PPFIBP2: variants seen among roughly 807,000 people sequenced by gnomAD.
The protein encoded by PPFIBP2 is PPFIB scaffold protein 2.
PPFIBP2 carries 118 observed loss-of-function variants against 118.3 expected under a neutral mutation model. The observed-to-expected ratio is 1.00, with a 90% CI of 0.86 to 1.16. The LOEUF (loss-of-function observed/expected upper bound fraction) is 1.16. Ranked by LOEUF, PPFIBP2 falls within the 50% of genes most tolerant of loss-of-function variation. The pLI, the probability that PPFIBP2 is intolerant of heterozygous loss-of-function variation, is 0.00. For missense variants in PPFIBP2, 1,195 were observed against 1,073.1 expected, an observed-to-expected ratio of 1.11 and a Z score of -1.59; for synonymous variants, 414 against 397.4, an observed-to-expected ratio of 1.04 and a Z score of -0.50.
intron 1 of PPFIBP2, among the ~76,000 whole-genome samples, chr11:7,516,773 C>T (rs1438108555): frequency 1.3e-5 from 2 of 152,136 alleles, no homozygotes; most frequent in East Asian, 1.9e-4. Context: ...GTCTTCTGGC[C>T]GGCTGTCTTC....
chr11:7,592,268 C>A (rs1433981993), intron 3 of PPFIBP2, among the ~76,000 whole-genome samples: 2 of 152,150 alleles, frequency 1.3e-5, no homozygotes, highest in Non-Finnish European at 2.9e-5. Context: ...CTCCTTCTCT[C>A]CTGTCTGCCC....
chr11:7,561,768 C>A (rs1477942405), intron 2 of PPFIBP2, among the ~76,000 whole-genome samples: 2 of 152,142 alleles, frequency 1.3e-5, no homozygotes, highest in African/African-American at 4.8e-5. Flanking sequence ...CAATAATAAA[C>A]ATTTATCATC....
intron 3 of PPFIBP2, among the ~76,000 whole-genome samples, chr11:7,579,693 C>T (rs1187322433): frequency 6.6e-6 from 1 of 152,170 alleles, no homozygotes; most frequent in African/African-American, 2.4e-5. Flanking sequence ...TAAGAAGGCC[C>T]TTCTTGTCCC....
chr11:7,593,332 T>A (rs1054958369), intron 4 of PPFIBP2, 108 bp downstream of exon 4: 1 of 1,436,220 alleles, frequency 7.0e-7, no homozygotes, highest in African/African-American at 1.4e-5. Context: ...ATTTTTCTCC[T>A]TCCAATGCCT....
intron 1 of PPFIBP2, among the ~76,000 whole-genome samples, chr11:7,533,165 G>C (rs1463332829): frequency 6.6e-6 from 1 of 152,108 alleles, no homozygotes; most frequent in Admixed American, 6.5e-5. Flanking sequence ...GCATCCATCA[G>C]TTATGTCTCT....
At chr11:7,564,690 G>A (rs1317255842) in intron 2 of PPFIBP2, among the ~76,000 whole-genome samples, 1 of 152,216 alleles carries the variant, frequency 6.6e-6, no homozygotes, top group Non-Finnish European at 1.5e-5. Flanking sequence ...TGGCTCATGG[G>A]GGCTTGGAAG....
intron 1 of PPFIBP2, among the ~76,000 whole-genome samples, chr11:7,523,696 AG>A (rs935931729): frequency 1.4e-4 from 21 of 152,136 alleles, no homozygotes; most frequent in African/African-American, 4.8e-5. Flanking sequence ...TGTTAGCTCA[AG>A]GGAGGCTATG....
At position 7,639,842 on chromosome 11, in the gene PPFIBP2, CG is replaced by C; in HGVS notation, c.1348del (p.Ala450ProfsTer7). On this transcript the variant is annotated frameshift_variant, in exon 15 of 24. Coordinates refer to ENST00000299492, the MANE Select transcript of PPFIBP2 (RefSeq NM_003621.5). LOFTEE classifies it high-confidence loss of function. ...CTCCTCCCACCATCTGCCAGCCTGA[CG>C]CCACGGGGAGCAGCCTGCTGAGGCT... ...KSPPTICQPD[A>X]TGSSLLRLRD... 1 of 1,614,150 alleles carries C rather than the reference CG, an allele frequency of 6.2e-7. No individual in the cohort carries two copies. The highest frequency in any genetic ancestry group is 1.3e-5 in the African/African-American group (1 of 75,048).
chr11:7,575,689 G>A (rs1188005371), intron 3 of PPFIBP2, among the ~76,000 whole-genome samples: 2 of 152,226 alleles, frequency 1.3e-5, no homozygotes, highest in Non-Finnish European at 2.9e-5. Flanking sequence ...GGGAAAATGT[G>A]TATTGACTGG....
chr11:7,632,706 T>C, intron 11 of PPFIBP2, 161 bp from the exon 12 acceptor site: 1 of 583,334 alleles, frequency 1.7e-6, no homozygotes, highest in South Asian at 1.8e-5. Context: ...CACACCCCCT[T>C]GCATCTTGAA....
intron 2 of PPFIBP2, among the ~76,000 whole-genome samples, chr11:7,562,529 G>A (rs549974580): frequency 1.3e-5 from 2 of 152,274 alleles, no homozygotes; most frequent in East Asian, 1.9e-4. Context: ...CAGAGCAACC[G>A]TGATATAATA....
chr11:7,656,118 C>G (rs1410309350), downstream of PPFIBP2, among the ~76,000 whole-genome samples: 1 of 152,216 alleles, frequency 6.6e-6, no homozygotes, highest in East Asian at 1.9e-4. Flanking sequence ...ATCTGTAAAG[C>G]AGGGCTAATG....
intron 1 of PPFIBP2, among the ~76,000 whole-genome samples, chr11:7,523,888 C>T (rs1849988487): frequency 6.6e-6 from 1 of 152,176 alleles, no homozygotes; most frequent in African/African-American, 2.4e-5. Context: ...ACTCTTGTCC[C>T]TGCCCTCCAG....
rs1852309914 is a variant in PPFIBP2 at position 7,642,329 on chromosome 11, A to G, written c.1549A>G (p.Thr517Ala). Residue 517 changes from threonine (T) to alanine (A), a missense_variant, in exon 17 of 24, where the codon ACT (threonine) becomes GCT (alanine). By Grantham distance (58) the Thr-to-Ala change is moderately conservative. Transcript: ENST00000299492. ...AAGAACTCAGTCAGGAAATTTCTACACTGACACGCTGGGGATGGCAGAGTT... is the reference window on the plus strand; with the variant it reads ...AAGAACTCAGTCAGGAAATTTCTACGCTGACACGCTGGGGATGGCAGAGTT... Reference protein sequence around the residue: ...IRRTQSGNFYTDTLGMAEFRR... With the variant: ...IRRTQSGNFYADTLGMAEFRR... 3 of 1,614,118 alleles carry G rather than the reference A, an allele frequency of 1.9e-6. No individual in the cohort carries two copies. The highest frequency in any genetic ancestry group is 2.5e-6 in the Non-Finnish European group (3 of 1,180,004).
At chr11:7,565,410 A>T in intron 2 of PPFIBP2, 143 bp from the exon 3 acceptor site, 1 of 798,588 alleles carries the variant, frequency 1.3e-6, no homozygotes, top group Non-Finnish European at 2.1e-6. Context: ...AGCTGAGACT[A>T]CAGGCGTGCA....
intron 3 of PPFIBP2, chr11:7,577,343 G>GCGTGTGTGTGTGTA (rs1856559596): frequency 8.9e-6 from 3 of 336,738 alleles, no homozygotes; most frequent in Middle Eastern, 1.1e-3. Flanking sequence ...GTGTGTGTGT[G>GCGTGTGTGTGTGTA]TGTGTGTGTT....
At chr11:7,577,693 G>A (rs897434805) in intron 3 of PPFIBP2, 10 of 455,282 alleles carry the variant, frequency 2.2e-5, no homozygotes, top group Admixed American at 7.1e-5. Flanking sequence ...AGGGGGAGAC[G>A]CTTTGGGGTG....
At chr11:7,606,653 A>G (rs1847375781) in intron 5 of PPFIBP2, among the ~76,000 whole-genome samples, 1 of 152,230 alleles carries the variant, frequency 6.6e-6, no homozygotes, top group Non-Finnish European at 1.5e-5. Flanking sequence ...TAGTGTGGCT[A>G]ATTCAAACAC....
At chr11:7,608,470 G>A (rs7110134) in intron 5 of PPFIBP2, among the ~76,000 whole-genome samples, 13,615 of 150,540 alleles carry the variant, frequency 0.09, 680 homozygotes, top group Non-Finnish European at 0.1. Flanking sequence ...GTGAAACCCC[G>A]TCTCTACTAA....
Sources: gnomAD v4.1 joint callset for allele counts (sites outside exome capture counted in the v4.1 genomes callset) on GRCh38, gnomAD v4.1.1 for gene constraint, MANE v1.5 for transcripts, NCBI Gene and HGNC (gene_info 2026-07-23, HGNC 2026-07-21) for gene names.